The following ABCC8 variants were observed in gnomAD, a reference collection of about 807,000 sequenced individuals.
The protein encoded by ABCC8 is ATP-binding cassette sub-family C member 8.
In ABCC8, 137 loss-of-function variants were observed where a neutral mutation model predicts 188.0. The ratio of observed to expected loss-of-function variants is 0.73; its 90% CI spans 0.63 to 0.84. The LOEUF is 0.84. Among genes scored for constraint, ABCC8 ranks in the 40% least tolerant of loss-of-function variants. ABCC8 has a pLI of 0.00. For missense variants in ABCC8, 1,750 were observed against 2,072.7 expected (o/e 0.84, Z 3.02); for synonymous variants, 797 against 846.5 (o/e 0.94, Z 1.01).
chr11:17,443,345 A>T, intron 8 of ABCC8, 33 bp from the exon 9 acceptor site: 1 of 1,613,678 alleles, frequency 6.2e-7, no homozygotes, highest in Admixed American at 1.7e-5. Context: ...GGTCCCTTTG[A>T]CCTGATGGTT....
chr11:17,436,826 C>A (rs140300043), intron 10 of ABCC8, among the ~76,000 whole-genome samples: 9 of 152,140 alleles, frequency 5.9e-5, no homozygotes, highest in Admixed American at 5.9e-4. Context: ...CAGTGGCTCA[C>A]GCCTGTAATC....
intron 6 of ABCC8, 55 bp from the exon 7 acceptor site, chr11:17,453,338 T>C: frequency 1.2e-6 from 2 of 1,606,164 alleles, no homozygotes; most frequent in Non-Finnish European, 1.7e-6. Flanking sequence ...ATGACCACCG[T>C]AGAACACATC....
intron 8 of ABCC8, among the ~76,000 whole-genome samples, chr11:17,444,815 T>C (rs986759731): frequency 3.3e-5 from 5 of 152,226 alleles, no homozygotes; most frequent in African/African-American, 1.2e-4. Context: ...GGTGAGTTAC[T>C]TAACCTCTCT....
chr11:17,422,400 A>G (rs1955387112), intron 16 of ABCC8, among the ~76,000 whole-genome samples: 1 of 152,212 alleles, frequency 6.6e-6, no homozygotes, highest in Non-Finnish European at 1.5e-5. Flanking sequence ...ATTTGGGCTA[A>G]AACTTACTTC....
At position 17,427,714 on chromosome 11, in the gene ABCC8, G is replaced by A. The variant is rs1955645717; in HGVS notation, c.2116+153C>T. Among the ~76,000 whole-genome samples, 1 of 152,230 alleles carries A rather than the reference G, an allele frequency of 6.6e-6. No individual in the cohort carries two copies. The highest frequency in any genetic ancestry group is 1.5e-5 in the Non-Finnish European group (1 of 68,050). On this transcript the variant is annotated intron_variant, in intron 15 of 38. Transcript: ENST00000389817. The surrounding 1 kb of genome is among the most constrained non-coding windows in gnomAD (Gnocchi z 5.0). The stretch of plus-strand genomic sequence containing the variant: ...CCCACCCAGCACACGGAAGCCTCTA[G>A]AATGTAGCCTTCCCCTTCTATAATA...
At position 17,442,825 on chromosome 11, in the gene ABCC8, G is replaced by T; in HGVS notation, c.1525C>A (p.Leu509Met). 4 of 1,614,112 alleles carry T rather than the reference G, an allele frequency of 2.5e-6. No individual in the cohort carries two copies. The highest frequency in any genetic ancestry group is 3.4e-6 in the Non-Finnish European group (4 of 1,180,030). ...ATGTTCTCCCAGGCGTACAGCTTCA[G>T]CAGCTTGATGCCGCGGAGCATCTCG... The part of the protein sequence containing the change: ...TNEMLRGIKL[L>M]KLYAWENIFR... The change falls in exon 10 of 39, where the codon CTG becomes ATG. Residue 509 changes from leucine (L) to methionine (M), a missense_variant. Transcript: ENST00000389817.
chr11:17,411,103 G>C (rs1954784047), intron 21 of ABCC8, among the ~76,000 whole-genome samples: 1 of 152,114 alleles, frequency 6.6e-6, no homozygotes, highest in African/African-American at 2.4e-5. Flanking sequence ...TGTCTGCCTT[G>C]TGAACTCCCA....
intron 36 of ABCC8, 160 bp from the exon 37 acceptor site, chr11:17,394,559 A>G (rs1245415509): frequency 1.2e-6 from 1 of 837,046 alleles, no homozygotes; most frequent in Non-Finnish European, 1.4e-6. Context: ...GGTGCACCTG[A>G]CACAACAATG....
chr11:17,399,715 T>C (rs1408967542), intron 29 of ABCC8, among the ~76,000 whole-genome samples: 1 of 152,236 alleles, frequency 6.6e-6, no homozygotes, highest in African/African-American at 2.4e-5. Context: ...TCCATGAAGA[T>C]GTTTTATTCA....
Position 17,450,383 on chromosome 11 carries a change from TTC to T in ABCC8, c.1177-1714_1177-1713del, listed in dbSNP as rs1956757283. Reference sequence around the variant, plus strand: ...CTTCCTTTCCTTTCCTTTCTTTCCTTTCCTTTCCTTCTTTCTTTCCTTTTTTT... The same window carrying T: ...CTTCCTTTCCTTTCCTTTCTTTCCTTCTTTCCTTCTTTCTTTCCTTTTTTT... On this transcript the variant is annotated intron_variant, in intron 7 of 38. Transcript: ENST00000389817. Among the ~76,000 whole-genome samples the T allele has an allele frequency of 4.6e-5, 6 of 130,384 alleles. No homozygotes were observed. In the South Asian group the frequency reaches 9.7e-4, roughly 21 times the overall value. The allele number at this position is 130,384 out of a possible 152,430, so 85.5% of individuals were successfully genotyped here.
At chr11:17,441,990 G>A (rs183228312) in intron 10 of ABCC8, among the ~76,000 whole-genome samples, 109 of 152,272 alleles carry the variant, frequency 7.2e-4, no homozygotes, top group African/African-American at 2.5e-3. Context: ...TGAGGCAGGA[G>A]AATCACTTGA....
intron 6 of ABCC8, 28 bp from the exon 7 acceptor site, chr11:17,453,311 CTG>C: frequency 6.2e-7 from 1 of 1,613,252 alleles, no homozygotes; most frequent in Non-Finnish European, 8.5e-7. Context: ...TCAGAGGTGA[CTG>C]TCATTGCCAG....
In ABCC8 at chr11:17,460,656, A is replaced by C; in HGVS notation, c.843T>G (p.Thr281=). Residue 281 remains threonine (T), a synonymous_variant, in exon 6 of 39, where the codon ACT becomes ACG. Transcript: ENST00000389817. Reference sequence around the variant, plus strand: ...CCTGCCAGATGGCCCGGGCACCTTGAGTGCCCTGAATGTCCTTCCGCTGCC... The same window carrying C: ...CCTGCCAGATGGCCCGGGCACCTTGCGTGCCCTGAATGTCCTTCCGCTGCC... ...DAQVRKDIQG[T]QGARAIWQAL... is the part of the protein sequence containing the mutation. 1 of 1,610,314 alleles carries C rather than the reference A, an allele frequency of 6.2e-7. No homozygotes were observed. Among genetic ancestry groups the C allele is most frequent in the Non-Finnish European group, 8.5e-7 (1 of 1,179,992 alleles).
Position 17,412,770 on chromosome 11 carries a change from A to G in ABCC8, c.2476-24T>C, listed in dbSNP as rs770904587. 6 of 1,597,286 alleles carry G rather than the reference A, an allele frequency of 3.8e-6. No homozygotes were observed. The South Asian group carries it at 6.8e-5, about 18-fold the overall frequency. On this transcript the variant is annotated intron_variant, in intron 20 of 38. Transcript: ENST00000389817. The stretch of plus-strand genomic sequence containing the variant: ...CCCTGTCACCAAAGAGGAGGAACAC[A>G]TCATGCCCTCAGCCATTCAGGAGAC...
chr11:17,422,588 G>A (rs779040960), intron 16 of ABCC8, among the ~76,000 whole-genome samples: 4 of 152,114 alleles, frequency 2.6e-5, no homozygotes, highest in South Asian at 2.1e-4. Context: ...CTCTCTTCTT[G>A]ATCAATACTT....
intron 3 of ABCC8, among the ~76,000 whole-genome samples, chr11:17,469,152 C>T (rs1181538127): frequency 2.0e-5 from 3 of 147,410 alleles, no homozygotes; most frequent in Non-Finnish European, 3.0e-5. Context: ...ACTGCAGTGG[C>T]GCGATCTCAG....
intron 10 of ABCC8, among the ~76,000 whole-genome samples, chr11:17,438,764 A>G (rs1289692231): frequency 6.6e-6 from 1 of 152,120 alleles, no homozygotes; most frequent in African/African-American, 2.4e-5. Flanking sequence ...TTGCCCCTAC[A>G]TGAATCTCTG....
chr11:17,420,627 C>T (rs1392007981), intron 16 of ABCC8, among the ~76,000 whole-genome samples: 1 of 152,150 alleles, frequency 6.6e-6, no homozygotes, highest in Non-Finnish European at 1.5e-5. Context: ...GCATCCACAC[C>T]AACCACCACA....
intron 29 of ABCC8, among the ~76,000 whole-genome samples, chr11:17,401,625 T>C (rs1954249034): frequency 6.6e-6 from 1 of 152,182 alleles, no homozygotes; most frequent in South Asian, 2.1e-4. Context: ...CGTGCAGCTG[T>C]GCCACCCTAA....
Sources: allele counts gnomAD v4.1 joint callset (sites outside exome capture counted in the v4.1 genomes callset), GRCh38; gene constraint gnomAD v4.1.1; non-coding constraint Gnocchi (gnomAD v3.1); transcripts MANE v1.5; gene names NCBI Gene and HGNC (gene_info 2026-07-23, HGNC 2026-07-21).